Variants in ZHX3 observed in about 807,000 individuals in gnomAD.
ZHX3 encodes the protein zinc fingers and homeoboxes 3.
A neutral mutation model predicts 64.5 loss-of-function variants in ZHX3; 20 were observed. The observed-to-expected ratio is 0.31, with a 90% CI of 0.22 to 0.45. ZHX3 has a LOEUF of 0.45. ZHX3 is among the 20% of genes least tolerant of loss of function. The pLI is 1.00. For synonymous variants in ZHX3, 423 were observed against 461.6 expected (o/e 0.92, Z 1.07); for missense variants, 1,041 against 1,195.8 (o/e 0.87, Z 1.91).
Position 41,239,103 on chromosome 20 carries a change from C to G in ZHX3, c.-151+29887G>C, listed in dbSNP as rs529254453. 6.0e-4 allele frequency among the ~76,000 whole-genome samples: 89 copies of G among 147,814 alleles called. No individual in the cohort carries two copies. The South Asian group carries it at 0.014, about 24-fold the overall frequency. On this transcript the variant is annotated intron_variant, in intron 2 of 3. Coordinates refer to ENST00000683867, the MANE Select transcript of ZHX3 (RefSeq NM_001384317.1). ...CTGCAAGCTCCGCCTCCTGGGTTCA[C>G]GCCATTCTCCTGCCTCAGCCTCCCG...
chr20:41,265,201 ATTT>A (rs764092804), intron 2 of ZHX3, among the ~76,000 whole-genome samples: 2 of 142,928 alleles, frequency 1.4e-5, no homozygotes, highest in Admixed American at 7.1e-5. Context: ...ATTACGATAA[ATTT>A]TTTTTTTTTT....
At chr20:41,290,691 G>A (rs758870217) in intron 1 of ZHX3, 3 of 152,222 alleles carry the variant, frequency 2.0e-5, no homozygotes, top group Non-Finnish European at 4.4e-5. Flanking sequence ...AGGTCATACA[G>A]CTACTAGTAT....
At chr20:41,291,075 G>C (rs1458411924) in intron 1 of ZHX3, among the ~76,000 whole-genome samples, 1 of 152,162 alleles carries the variant, frequency 6.6e-6, no homozygotes, top group Non-Finnish European at 1.5e-5. Flanking sequence ...CAAAGTAATT[G>C]GGGAAGTTAA....
chr20:41,315,387 G>T (rs2045260471), intron 1 of ZHX3, among the ~76,000 whole-genome samples: 1 of 143,994 alleles, frequency 6.9e-6, no homozygotes, highest in Admixed American at 7.0e-5. Context: ...TAGAGACGGG[G>T]TGTCACCATG....
chr20:41,234,627 C>T (rs1356798489), intron 2 of ZHX3, among the ~76,000 whole-genome samples: 3 of 152,206 alleles, frequency 2.0e-5, no homozygotes, highest in African/African-American at 7.2e-5. Flanking sequence ...GAGATTACTG[C>T]CTCGCGAGGG....
At position 41,203,276 on chromosome 20, in the gene ZHX3, G is replaced by A. The variant is rs769335108; in HGVS notation, c.1641C>T (p.Tyr547=). Residue 547 remains tyrosine, a synonymous_variant, in exon 3 of 4, where the codon TAC becomes TAT. Transcript: ENST00000683867. The surrounding 1 kb of genome is among the most constrained non-coding windows in gnomAD (Gnocchi z 7.1). ...EVRKWFSDRR[Y]HCRNLKGSRA... The stretch of plus-strand genomic sequence containing the variant: ...TGGAGCCCTTCAAGTTCCGGCAGTG[G>A]TATCTACGATCACTGAACCATTTCC... The A allele has an allele frequency of 6.2e-7, 1 of 1,614,128 alleles. No individual in the cohort carries two copies. Among genetic ancestry groups the A allele is most frequent in the Non-Finnish European group, 8.5e-7 (1 of 1,180,018 alleles).
chr20:41,230,041 C>T (rs1283053124), intron 2 of ZHX3, among the ~76,000 whole-genome samples: 2 of 152,274 alleles, frequency 1.3e-5, no homozygotes, highest in African/African-American at 4.8e-5. Flanking sequence ...GTCTTGGCAT[C>T]CTTGTAAAAA....
At chr20:41,229,888 T>A (rs2040491215) in intron 2 of ZHX3, among the ~76,000 whole-genome samples, 2 of 152,178 alleles carry the variant, frequency 1.3e-5, no homozygotes, top group South Asian at 4.1e-4. Context: ...TAGTTTTAGA[T>A]CTTTTGTTTA....
intron 1 of ZHX3, among the ~76,000 whole-genome samples, chr20:41,305,706 C>A (rs948585897): frequency 6.6e-6 from 1 of 152,022 alleles, no homozygotes; most frequent in African/African-American, 2.4e-5. Context: ...ATAGTGTGAA[C>A]CCGGGAGGCG....
intron 2 of ZHX3, among the ~76,000 whole-genome samples, chr20:41,259,323 T>G (rs550253270): frequency 2.6e-5 from 4 of 152,364 alleles, no homozygotes; most frequent in African/African-American, 9.6e-5. Flanking sequence ...CTATAGGGAC[T>G]CACAGACTAG....
In ZHX3 at chr20:41,224,742, T is replaced by C. The variant is rs1260726442; in HGVS notation, c.-150-19676A>G. 3.3e-5 allele frequency among the ~76,000 whole-genome samples: 5 copies of C among 152,246 alleles called. No individual in the cohort carries two copies. Among genetic ancestry groups the C allele is most frequent in the Non-Finnish European group, 4.4e-5 (3 of 68,032 alleles). On this transcript the variant is annotated intron_variant, in intron 2 of 3. Coordinates refer to ENST00000683867, the MANE Select transcript of ZHX3 (RefSeq NM_001384317.1). This position sits in a 1 kb window ranked among gnomAD's most constrained non-coding sequence, Gnocchi z 5.2. ...TCATTTATAATTCCAACAGAGGACTTCTGAGCTATCTTCCCCTTTGCCTCT... is the reference window on the plus strand; with the variant it reads ...TCATTTATAATTCCAACAGAGGACTCCTGAGCTATCTTCCCCTTTGCCTCT...
rs371189167 is a variant in ZHX3 at position 41,268,557 on chromosome 20, T to C, written c.-151+433A>G. ...CCAGAGATAAGTGTAGTGTCACATA[T>C]ATTGTAACCTGAGAATATGGCTTGA... On this transcript the variant is annotated intron_variant, in intron 2 of 3. Coordinates refer to ENST00000683867, the MANE Select transcript of ZHX3 (RefSeq NM_001384317.1). Among the ~76,000 whole-genome samples, 28 of 152,346 alleles carry C rather than the reference T, an allele frequency of 1.8e-4. 1 individual carries two copies. The South Asian group carries it at 5.6e-3, about 30-fold the overall frequency.
rs553926752 is a variant in ZHX3, at chr20:41,195,411, C to T, written c.2860+6646G>A. Among the ~76,000 whole-genome samples the T allele has an allele frequency of 1.2e-4, 19 of 152,124 alleles. No homozygotes were observed. The South Asian group carries it at 1.9e-3, about 15-fold the overall frequency. On this transcript the variant is annotated intron_variant, in intron 3 of 3. Coordinates refer to ENST00000683867, the MANE Select transcript of ZHX3 (RefSeq NM_001384317.1). This position sits in a 1 kb window ranked among gnomAD's most constrained non-coding sequence, Gnocchi z 4.2. ...GATTATAGATGCAAGCCACCATGCTCGACTGAGATTTTTTATTTTTTGAGA... is the reference window on the plus strand; with the variant it reads ...GATTATAGATGCAAGCCACCATGCTTGACTGAGATTTTTTATTTTTTGAGA...
At chr20:41,247,562 T>C (rs1275887640) in intron 2 of ZHX3, among the ~76,000 whole-genome samples, 7 of 152,170 alleles carry the variant, frequency 4.6e-5, no homozygotes, top group Admixed American at 2.0e-4. Context: ...TAAGTGTCTT[T>C]AACAGGAGAA....
At chr20:41,196,547 TAA>T (rs1209144356) in intron 3 of ZHX3, 53 of 78,902 alleles carry the variant, frequency 6.7e-4, no homozygotes, top group African/African-American at 2.6e-3. Flanking sequence ...ATATTATATA[TAA>T]TATATATTAT....
intron 3 of ZHX3, among the ~76,000 whole-genome samples, chr20:41,188,711 TTTTTAATATGATTTTTTGTTGAATTCC>T (rs536839931): frequency 1.1e-3 from 170 of 152,340 alleles, no homozygotes; most frequent in African/African-American, 4.0e-3. Flanking sequence ...TTTTGCCCAC[TTTTTAATATGATTTTTTGTTGAATTCC>T]TTATATATTC....
chr20:41,300,871 G>A (rs1304403133), intron 1 of ZHX3, among the ~76,000 whole-genome samples: 7 of 152,108 alleles, frequency 4.6e-5, no homozygotes, highest in Non-Finnish European at 1.0e-4. Context: ...AAAGACAGAC[G>A]GGCCAGAAAG....
rs1345035965 is a variant in ZHX3 at position 41,200,533 on chromosome 20, T to G, written c.2860+1524A>C. ...CCATCAGCTACTTTATAAAGCAGGC[T>G]GTGAGCTGTGGGCCCCAAAGGAGGG... On this transcript the variant is annotated intron_variant, in intron 3 of 3. Coordinates refer to ENST00000683867, the MANE Select transcript of ZHX3 (RefSeq NM_001384317.1). The surrounding 1 kb of genome is among the most constrained non-coding windows in gnomAD (Gnocchi z 4.2). Among the ~76,000 whole-genome samples the G allele has an allele frequency of 6.6e-6, 1 of 152,204 alleles. No homozygotes were observed. The highest frequency in any genetic ancestry group is 1.5e-5 in the Non-Finnish European group (1 of 68,046).
intron 2 of ZHX3, among the ~76,000 whole-genome samples, chr20:41,260,179 T>TGG (rs11480309): frequency 6.9e-6 from 1 of 145,770 alleles, no homozygotes; most frequent in African/African-American, 2.6e-5. Flanking sequence ...AAGCCAAATG[T>TGG]GAAAAAAAAA....
Sources: gnomAD v4.1 joint callset for allele counts (sites outside exome capture counted in the v4.1 genomes callset) on GRCh38, gnomAD v4.1.1 for gene constraint, Gnocchi (gnomAD v3.1) non-coding constraint, MANE v1.5 for transcripts, NCBI Gene and HGNC (gene_info 2026-07-23, HGNC 2026-07-21) for gene names.